TANK: variants seen among roughly 807,000 people sequenced by gnomAD.
TANK encodes the protein TRAF family member associated NFKB activator.
A neutral mutation model predicts 43.6 loss-of-function variants in TANK; 15 were observed. The observed-to-expected ratio is 0.34, with a 90% CI of 0.23 to 0.53. The LOEUF is 0.53. TANK is among the 20% of genes least tolerant of loss of function. The probability of loss-of-function intolerance (pLI) is 0.94; values close to 1 mark genes in which losing one functional copy is unlikely to be tolerated. For synonymous variants in TANK, 162 were observed against 178.2 expected (o/e 0.91, Z 0.73); for missense variants, 417 against 498.6 (o/e 0.84, Z 1.56).
Position 161,195,156 on chromosome 2 carries a change from G to T in TANK, c.100-8331G>T, listed in dbSNP as rs376370862. Among the ~76,000 whole-genome samples the T allele has an allele frequency of 1.3e-4, 20 of 152,248 alleles. 1 individual carries two copies. In the East Asian group the frequency reaches 2.5e-3, roughly 19 times the overall value. ...ATGTTCAAGGAGATTGGTTAATAAAGAATTAATGATATTCATTCAAAAATA... is the reference window on the plus strand; with the variant it reads ...ATGTTCAAGGAGATTGGTTAATAAATAATTAATGATATTCATTCAAAAATA... On this transcript the variant is annotated intron_variant, in intron 2 of 7. Transcript: ENST00000392749.
chr2:161,193,491 A>G (rs918131427), intron 2 of TANK, among the ~76,000 whole-genome samples: 5 of 152,218 alleles, frequency 3.3e-5, no homozygotes, highest in African/African-American at 1.2e-4. Context: ...AGGCTAAGGC[A>G]GGAGGATTGC....
chr2:161,188,350 CATT>C (rs1462850863), intron 2 of TANK, among the ~76,000 whole-genome samples: 2 of 152,030 alleles, frequency 1.3e-5, no homozygotes, highest in African/African-American at 4.8e-5. Flanking sequence ...AAAATGAGGA[CATT>C]ATTACCTACT....
chr2:161,195,692 G>T (rs1686114886), intron 2 of TANK, among the ~76,000 whole-genome samples: 1 of 152,150 alleles, frequency 6.6e-6, no homozygotes, highest in Non-Finnish European at 1.5e-5. Flanking sequence ...TGTGCATTTT[G>T]CAAAGAACAC....
intron 4 of TANK, among the ~76,000 whole-genome samples, chr2:161,210,105 G>T (rs1686814454): frequency 6.6e-6 from 1 of 152,176 alleles, no homozygotes; most frequent in Non-Finnish European, 1.5e-5. Flanking sequence ...AGCTATCATT[G>T]TGATTAGATC....
At chr2:161,226,296 G>C (rs556761466) in intron 6 of TANK, among the ~76,000 whole-genome samples, 1 of 152,146 alleles carries the variant, frequency 6.6e-6, no homozygotes, top group Non-Finnish European at 1.5e-5. Context: ...ACTGCTTCCT[G>C]ATGCCTTATT....
Position 161,165,072 on chromosome 2 carries a change from G to T in TANK, c.-50+4586G>T, listed in dbSNP as rs1378148990. Among the ~76,000 whole-genome samples, 2 of 147,866 alleles carry T rather than the reference G, an allele frequency of 1.4e-5. 1 individual carries two copies. The highest frequency in any genetic ancestry group is 4.2e-4 in the South Asian group (2 of 4,714). On this transcript the variant is annotated intron_variant, in intron 1 of 7. Transcript: ENST00000392749. ...TTTTTTTTTTTTTTGCAAAAGGAAG[G>T]GTCTACTGAAAATAGGTTGCTAACA...
At position 161,235,813 on chromosome 2, in the gene TANK, CTTAGAG is replaced by C. The variant is rs1046210252; in HGVS notation, c.*299_*304del. ...CTATAATTCAAAATTATGTATGTGACTTAGAGTTATATAATCATAATTTATGTTTAT... is the reference window on the plus strand; with the variant it reads ...CTATAATTCAAAATTATGTATGTGACTTATATAATCATAATTTATGTTTAT... On this transcript the variant is annotated 3_prime_UTR_variant, in exon 8 of 8. Coordinates refer to ENST00000392749, the MANE Select transcript of TANK (RefSeq NM_001199135.3). 1 of 191,540 alleles carries C rather than the reference CTTAGAG, an allele frequency of 5.2e-6. No individual in the cohort carries two copies. The highest frequency in any genetic ancestry group is 1.1e-5 in the Non-Finnish European group (1 of 94,734). 11.9% of individuals were successfully genotyped at this position (191,540 alleles called of 1,614,324 possible). A position where few individuals can be genotyped will look rare whatever the true frequency, so the allele number is the denominator to read the frequency against.
At chr2:161,154,865 T>A (rs1024383521) in intron 1 of TANK, among the ~76,000 whole-genome samples, 2 of 151,944 alleles carry the variant, frequency 1.3e-5, no homozygotes, top group East Asian at 3.9e-4. Flanking sequence ...GTGCCTCAGC[T>A]TCCTGAGTAG....
rs751570487 is a variant in TANK, at chr2:161,179,602, A to G, written c.-49-12A>G. 1 of 1,591,514 alleles carries G rather than the reference A, an allele frequency of 6.3e-7. No homozygotes were observed. Among genetic ancestry groups the G allele is most frequent in the East Asian group, 2.3e-5 (1 of 43,562 alleles). ...CTTAGTAATTATCTAAATTGATCTC[A>G]TTATTTTGCAGACCTGTCATTTACT... is the stretch of plus-strand genomic sequence containing the variant. On this transcript the variant is annotated splice_polypyrimidine_tract_variant and intron_variant, in intron 1 of 7. Transcript: ENST00000392749.
At chr2:161,154,227 C>T (rs1055770853) in intron 1 of TANK, among the ~76,000 whole-genome samples, 2 of 152,108 alleles carry the variant, frequency 1.3e-5, no homozygotes, top group African/African-American at 4.8e-5. Context: ...GAGGACTCAA[C>T]AGACCAGGTA....
upstream of TANK, among the ~76,000 whole-genome samples, chr2:161,159,451 A>T (rs1684312471): frequency 6.6e-6 from 1 of 152,224 alleles, no homozygotes; most frequent in African/African-American, 2.4e-5. Flanking sequence ...TCAATTACTT[A>T]TTACAAGAAA....
chr2:161,185,431 C>G (rs1171836269), intron 2 of TANK, among the ~76,000 whole-genome samples: 1 of 151,148 alleles, frequency 6.6e-6, no homozygotes, highest in Admixed American at 6.6e-5. Flanking sequence ...TGGTTAAAAG[C>G]TTGACTGTGC....
At chr2:161,154,644 G>A (rs1322036339) in intron 1 of TANK, among the ~76,000 whole-genome samples, 3 of 152,126 alleles carry the variant, frequency 2.0e-5, no homozygotes, top group Non-Finnish European at 4.4e-5. Context: ...GTACCTGATT[G>A]GGTGACTGAT....
chr2:161,216,704 CAGAAA>C (rs1687134465), intron 4 of TANK, among the ~76,000 whole-genome samples: 2 of 151,736 alleles, frequency 1.3e-5, no homozygotes, highest in South Asian at 4.1e-4. Flanking sequence ...TTGATGCTAA[CAGAAA>C]AGAAGACAAG....
intron 1 of TANK, among the ~76,000 whole-genome samples, chr2:161,143,607 T>G (rs901475558): frequency 6.6e-6 from 1 of 152,184 alleles, no homozygotes; most frequent in Non-Finnish European, 1.5e-5. Flanking sequence ...GTTTATGTGA[T>G]GGATTATGTT....
intron 1 of TANK, among the ~76,000 whole-genome samples, chr2:161,171,624 A>G (rs190611198): frequency 1.3e-5 from 2 of 152,304 alleles, no homozygotes; most frequent in East Asian, 3.9e-4. Context: ...GCTATTTTAA[A>G]TTGTGATTTA....
intron 1 of TANK, among the ~76,000 whole-genome samples, chr2:161,165,279 G>A (rs1044685022): frequency 1.3e-5 from 2 of 152,078 alleles, no homozygotes; most frequent in African/African-American, 4.8e-5. Flanking sequence ...TCAGGTAATA[G>A]TTTTTCCAGA....
chr2:161,196,401 G>GAAGAGAATATATAGC (rs1365975985), intron 2 of TANK, among the ~76,000 whole-genome samples: 2 of 152,126 alleles, frequency 1.3e-5, no homozygotes, highest in African/African-American at 4.8e-5. Context: ...GATTACCTAG[G>GAAGAGAATATATAGC]AAGAGAATAT....
At chr2:161,179,584 A>G (rs1230632076) in intron 1 of TANK, 30 bp from the exon 2 acceptor site, 5 of 1,561,928 alleles carry the variant, frequency 3.2e-6, no homozygotes, top group Non-Finnish European at 4.3e-6. Context: ...TAACTTAGTA[A>G]TTATCTAAAT....
Sources: allele counts gnomAD v4.1 joint callset (sites outside exome capture counted in the v4.1 genomes callset), GRCh38; gene constraint gnomAD v4.1.1; transcripts MANE v1.5; gene names NCBI Gene and HGNC (gene_info 2026-07-23, HGNC 2026-07-21).